Variants in HYKK observed in about 807,000 individuals in gnomAD.
HYKK encodes 5-hydroxy-L-lysine kinase.
HYKK carries 19 observed loss-of-function variants against 29.7 expected under a neutral mutation model. The ratio of observed to expected loss-of-function variants is 0.64; its 90% CI spans 0.45 to 0.94. The LOEUF is 0.94. Ranked by LOEUF, HYKK falls within the 40% of genes least tolerant of loss-of-function variation. The pLI is 0.00. For synonymous variants in HYKK, 152 were observed against 158.1 expected, an observed-to-expected ratio of 0.96 and a Z score of 0.29; for missense variants, 390 against 443.4, an observed-to-expected ratio of 0.88 and a Z score of 1.08.
chr15:78,527,610 C>T (rs1485679266), intron 4 of HYKK, 47 bp downstream of exon 4: 6 of 1,598,044 alleles, frequency 3.8e-6, no homozygotes, highest in Non-Finnish European at 8.5e-7. Flanking sequence ...TTAAACTGTC[C>T]AATTTCATAT....
chr15:78,514,908 C>CTCTATATATATA (rs766004199), intron 2 of HYKK, 60 bp from the exon 3 acceptor site: 43 of 385,498 alleles, frequency 1.1e-4, no homozygotes, highest in African/African-American at 6.9e-4. Context: ...CTCTCTCTCT[C>CTCTATATATATA]TATATATATA....
At chr15:78,516,039 A>G (rs184010005) in intron 3 of HYKK, among the ~76,000 whole-genome samples, 1 of 152,322 alleles carries the variant, frequency 6.6e-6, no homozygotes, top group East Asian at 1.9e-4. Context: ...ATCCAGTCAC[A>G]GTATAATCAA....
At chr15:78,526,756 G>A (rs1412011546) in intron 3 of HYKK, among the ~76,000 whole-genome samples, 1 of 152,204 alleles carries the variant, frequency 6.6e-6, no homozygotes, top group African/African-American at 2.4e-5. Flanking sequence ...ACATAATTAT[G>A]AGGATCAAGT....
At chr15:78,518,376 T>C (rs2052157689) in intron 3 of HYKK, among the ~76,000 whole-genome samples, 1 of 152,062 alleles carries the variant, frequency 6.6e-6, no homozygotes, top group Admixed American at 6.5e-5. Flanking sequence ...GGTTTCACTA[T>C]GTTGGCCAGG....
chr15:78,520,013 C>T (rs1175195484), intron 3 of HYKK, among the ~76,000 whole-genome samples: 2 of 152,206 alleles, frequency 1.3e-5, no homozygotes. Context: ...AATAGCACCA[C>T]ATCATTGCTG....
At chr15:78,522,814 G>A (rs1310580070) in intron 3 of HYKK, among the ~76,000 whole-genome samples, 1 of 152,058 alleles carries the variant, frequency 6.6e-6, no homozygotes, top group African/African-American at 2.4e-5. Flanking sequence ...TGGTGGCAAA[G>A]GTTGCAGTGA....
rs558708777 is a variant in HYKK at position 78,527,074 on chromosome 15, G to A, written c.478-306G>A. Among the ~76,000 whole-genome samples the A allele has an allele frequency of 2.6e-5, 4 of 151,542 alleles. No individual in the cohort carries two copies. In the East Asian group the frequency reaches 7.8e-4, roughly 29 times the overall value. ...GTGGATCACCTGAGGTCAGGAGTTT[G>A]AGACCAGCCTGGCCAACATGGTGAA... is the stretch of plus-strand genomic sequence containing the variant. On this transcript the variant is annotated intron_variant, in intron 3 of 4. Coordinates refer to ENST00000388988, the MANE Select transcript of HYKK (RefSeq NM_001013619.4).
chr15:78,533,768 C>A lies in HYKK; in HGVS notation c.*98C>A. 1.3e-6 allele frequency: 1 copy of A among 797,486 alleles called. No individual in the cohort carries two copies. The highest frequency in any genetic ancestry group is 2.0e-6 in the Non-Finnish European group (1 of 492,390). The allele number at this position is 797,486 out of a possible 1,614,324, so 49.4% of individuals were successfully genotyped here. A position where few individuals can be genotyped will look rare whatever the true frequency, so the allele number is the denominator to read the frequency against. On this transcript the variant is annotated 3_prime_UTR_variant, in exon 5 of 5. Coordinates refer to ENST00000388988, the MANE Select transcript of HYKK (RefSeq NM_001013619.4). The stretch of plus-strand genomic sequence containing the variant: ...AGGATTTTCCTGCATAGTTAAAAAT[C>A]AACTGATGGAATGGATCAATTCTGA...
chr15:78,510,858 G>T (rs2052067150), intron 1 of HYKK, among the ~76,000 whole-genome samples: 1 of 151,150 alleles, frequency 6.6e-6, no homozygotes, highest in African/African-American at 2.4e-5. Flanking sequence ...GCCTAATCAA[G>T]ATGTAGAACA....
At chr15:78,527,777 T>C in intron 4 of HYKK, 2 of 1,287,700 alleles carry the variant, frequency 1.6e-6, no homozygotes, top group Non-Finnish European at 2.0e-6. Context: ...CCTCTCTTCT[T>C]CCCATTAAAT....
chr15:78,512,982 C>A, intron 1 of HYKK, 102 bp from the exon 2 acceptor site: 1 of 653,438 alleles, frequency 1.5e-6, no homozygotes, highest in Non-Finnish European at 2.7e-6. Context: ...AAAAGAAGTA[C>A]AGAATCAACA....
chr15:78,516,343 C>CTT (rs575124681), intron 3 of HYKK, among the ~76,000 whole-genome samples: 1,345 of 115,904 alleles, frequency 0.012, 22 homozygotes, highest in East Asian at 0.029. Context: ...AAGGGTTGGT[C>CTT]TTTTTTTTTT....
chr15:78,507,904 G>T (rs2052030120), intron 1 of HYKK, among the ~76,000 whole-genome samples: 1 of 152,182 alleles, frequency 6.6e-6, no homozygotes, highest in South Asian at 2.1e-4. Context: ...GAATGAAAGC[G>T]TGGCACCCGA....
chr15:78,508,381 G>A (rs1183395590), intron 1 of HYKK, among the ~76,000 whole-genome samples: 1 of 152,218 alleles, frequency 6.6e-6, no homozygotes, highest in Admixed American at 6.5e-5. Context: ...AGAGTTGGAA[G>A]ACATGCTAAG....
At position 78,533,563 on chromosome 15, in the gene HYKK, A is replaced by C. The variant is rs2141366114; in HGVS notation, c.1015A>C (p.Lys339Gln). The change falls in exon 5 of 5, where the codon AAA becomes CAA. Residue 339 changes from lysine to glutamine, a missense_variant. Transcript: ENST00000388988. ...ENKDYLMVTA[K>Q]TGWKHLQQMF... The stretch of plus-strand genomic sequence containing the variant: ...CAAAGACTATCTCATGGTTACTGCA[A>C]AAACCGGGTGGAAACACTTACAGCA... The C allele has an allele frequency of 1.2e-6, 2 of 1,614,254 alleles. No homozygotes were observed. Among genetic ancestry groups the C allele is most frequent in the Non-Finnish European group, 8.5e-7 (1 of 1,180,038 alleles).
At chr15:78,521,973 TTTC>T (rs1433613825) in intron 3 of HYKK, among the ~76,000 whole-genome samples, 27 of 151,578 alleles carry the variant, frequency 1.8e-4, no homozygotes, top group Admixed American at 2.6e-4. Flanking sequence ...TTTCACTTCC[TTTC>T]TTCTTCTTTT....
rs921178275 is a variant in HYKK, at chr15:78,535,147, A to G, written c.*1477A>G. 1 of 152,194 alleles carries G rather than the reference A, an allele frequency of 6.6e-6. No homozygotes were observed. Among genetic ancestry groups the G allele is most frequent in the Non-Finnish European group, 1.5e-5 (1 of 68,040 alleles). The allele number at this position is 152,194 out of a possible 1,614,324, so 9.4% of individuals were successfully genotyped here. On this transcript the variant is annotated 3_prime_UTR_variant, in exon 5 of 5. Transcript: ENST00000388988. ...TAGTTATCTTTCTATATATATGAAC[A>G]GGCATTGATCCTATCTCCATCTTTC...
intron 3 of HYKK, among the ~76,000 whole-genome samples, chr15:78,518,053 A>T (rs2052154508): frequency 6.6e-6 from 1 of 151,098 alleles, no homozygotes. Context: ...GCAAACTCAA[A>T]CTCCTTTGGT....
intron 4 of HYKK, among the ~76,000 whole-genome samples, chr15:78,532,193 T>C (rs1211727056): frequency 2.6e-5 from 4 of 152,198 alleles, no homozygotes; most frequent in South Asian, 4.1e-4. Context: ...ATGGTCCTAC[T>C]GTGCATGATT....
Sources: gnomAD v4.1 joint callset for allele counts (sites outside exome capture counted in the v4.1 genomes callset) on GRCh38, gnomAD v4.1.1 for gene constraint, MANE v1.5 for transcripts, NCBI Gene and HGNC (gene_info 2026-07-23, HGNC 2026-07-21) for gene names.